Variants in SULF2 observed in about 807,000 individuals in gnomAD.
SULF2 encodes the protein extracellular sulfatase Sulf-2.
Under a neutral mutation model 107.7 loss-of-function variants are expected in SULF2, and 52 were observed. The observed-to-expected ratio is 0.48, with a 90% CI of 0.39 to 0.61. SULF2 has a LOEUF of 0.61. Ranked by LOEUF, SULF2 falls within the 20% of genes least tolerant of loss-of-function variation. The probability of loss-of-function intolerance (pLI) is 0.00; values close to 1 mark genes in which losing one functional copy is unlikely to be tolerated. For missense variants in SULF2, 993 were observed against 1,177.3 expected, an observed-to-expected ratio of 0.84 and a Z score of 2.29; for synonymous variants, 460 against 464.3, an observed-to-expected ratio of 0.99 and a Z score of 0.12.
At chr20:47,779,901 C>T (rs577401770) in intron 1 of SULF2, among the ~76,000 whole-genome samples, 2 of 152,280 alleles carry the variant, frequency 1.3e-5, no homozygotes, top group East Asian at 1.9e-4. Flanking sequence ...GCCACCGCGT[C>T]CAGACAGTTA....
chr20:47,694,727 G>A lies in SULF2; in HGVS notation c.568-4432C>T, dbSNP rs549834918. Reference sequence around the variant, plus strand: ...GCCAGCCTCAGCCCTAGGCAAAAGCGTGTTTCCCTCGAGTGGGCACTCCGC... The same window carrying A: ...GCCAGCCTCAGCCCTAGGCAAAAGCATGTTTCCCTCGAGTGGGCACTCCGC... On this transcript the variant is annotated intron_variant, in intron 4 of 20. Coordinates refer to ENST00000688720, the MANE Select transcript of SULF2 (RefSeq NM_001387048.1). This position sits in a 1 kb window ranked among gnomAD's most constrained non-coding sequence, Gnocchi z 4.4. 4.6e-5 allele frequency among the ~76,000 whole-genome samples: 7 copies of A among 152,334 alleles called. No homozygotes were observed. The highest frequency in any genetic ancestry group is 4.1e-4 in the South Asian group (2 of 4,822).
intron 11 of SULF2, among the ~76,000 whole-genome samples, chr20:47,669,840 C>G (rs2087403691): frequency 6.6e-6 from 1 of 152,198 alleles, no homozygotes; most frequent in Non-Finnish European, 1.5e-5. Context: ...GGGAAAAGAG[C>G]TGAATTTCTC....
chr20:47,703,587 G>C (rs1209207403), intron 3 of SULF2, among the ~76,000 whole-genome samples: 1 of 152,216 alleles, frequency 6.6e-6, no homozygotes. Flanking sequence ...TCCAACCACG[G>C]TGGGGAACTC....
intron 4 of SULF2, among the ~76,000 whole-genome samples, chr20:47,691,479 G>C (rs1240389278): frequency 2.0e-5 from 3 of 152,184 alleles, no homozygotes. Flanking sequence ...CAGAGATTCT[G>C]GTTGGATTGG....
chr20:47,756,387 A>G (rs1029869424), intron 2 of SULF2, among the ~76,000 whole-genome samples: 2 of 152,206 alleles, frequency 1.3e-5, no homozygotes, highest in Non-Finnish European at 2.9e-5. Flanking sequence ...GAAAAAAACT[A>G]TACTTGTGAT....
At chr20:47,674,835 C>A (rs2087588315) in intron 10 of SULF2, among the ~76,000 whole-genome samples, 1 of 152,078 alleles carries the variant, frequency 6.6e-6, no homozygotes, top group Non-Finnish European at 1.5e-5. Flanking sequence ...AGGGACATGG[C>A]AACGGCACTC....
chr20:47,764,612 G>GT (rs1319631126), intron 1 of SULF2, among the ~76,000 whole-genome samples: 4 of 152,224 alleles, frequency 2.6e-5, no homozygotes, highest in Admixed American at 6.5e-5. Context: ...ACTGTGCTGG[G>GT]TGCCAGGAGG....
At chr20:47,743,681 G>A (rs901333108) in intron 2 of SULF2, among the ~76,000 whole-genome samples, 2 of 152,230 alleles carry the variant, frequency 1.3e-5, no homozygotes, top group Admixed American at 6.5e-5. Context: ...GTGACTGCCC[G>A]CCTCACTCAG....
rs1217388036 is a variant in SULF2 at position 47,663,216 on chromosome 20, C to T, written c.2228-4G>A. Reference sequence around the variant, plus strand: ...GTGCAGGCACAGAAAGGCCCCACTGCCAAGGAAGAGAGAGCATGTCCTGAG... The same window carrying T: ...GTGCAGGCACAGAAAGGCCCCACTGTCAAGGAAGAGAGAGCATGTCCTGAG... On this transcript the variant is annotated splice_region_variant and splice_polypyrimidine_tract_variant and intron_variant, in intron 16 of 20. Transcript: ENST00000688720. 5 of 1,613,978 alleles carry T rather than the reference C, an allele frequency of 3.1e-6. No homozygotes were observed. The highest frequency in any genetic ancestry group is 3.4e-6 in the Non-Finnish European group (4 of 1,179,990).
chr20:47,690,131 C>T lies in SULF2; in HGVS notation c.732G>A (p.Gln244=), dbSNP rs915353983. 15 of 1,485,492 alleles carry T rather than the reference C, an allele frequency of 1.0e-5. No individual in the cohort carries two copies. The highest frequency in any genetic ancestry group is 1.4e-5 in the Non-Finnish European group (15 of 1,109,296). The allele number at this position is 1,485,492 out of a possible 1,614,324, so 92.0% of individuals were successfully genotyped here. A position where few individuals can be genotyped will look rare whatever the true frequency, so the allele number is the denominator to read the frequency against. Residue 244 remains glutamine (Q), a synonymous_variant, in exon 5 of 21, where the codon CAG becomes CAA. Transcript: ENST00000688720. The part of the protein sequence containing the change: ...QYSRLFPNAS[Q]HITPSYNYAP... ...GGCAGAGTGCTGAGGCTTACATGTG[C>T]TGAGATGCGTTTGGGAAGAGGCGTG...
At position 47,704,686 on chromosome 20, in the gene SULF2, T is replaced by G. The variant is rs8184323; in HGVS notation, c.416-2016A>C. On this transcript the variant is annotated intron_variant, in intron 3 of 20. Transcript: ENST00000688720. ...GTCGTCTCTTTCTAGATGAGGACAC[T>G]GCGGTTCTGAAATTTCTGACGAGTA... is the stretch of plus-strand genomic sequence containing the variant. 5.1e-3 allele frequency among the ~76,000 whole-genome samples: 781 copies of G among 152,372 alleles called. 12 individuals carry two copies. The South Asian group carries it at 0.051, about 10-fold the overall frequency.
chr20:47,680,105 G>C lies in SULF2; in HGVS notation c.1065-1301C>G, dbSNP rs1057089140. Among the ~76,000 whole-genome samples the C allele has an allele frequency of 3.3e-5, 5 of 152,074 alleles. No individual in the cohort carries two copies. The highest frequency in any genetic ancestry group is 1.2e-4 in the African/African-American group (5 of 41,410). ...TTCCCATACATCTGCCACCTTTCCT[G>C]GCTCCTGTTTCTTTTTTTGAGAGGT... is the stretch of plus-strand genomic sequence containing the variant. On this transcript the variant is annotated intron_variant, in intron 7 of 20. Coordinates refer to ENST00000688720, the MANE Select transcript of SULF2 (RefSeq NM_001387048.1). This position sits in a 1 kb window ranked among gnomAD's most constrained non-coding sequence, Gnocchi z 4.2.
intron 11 of SULF2, among the ~76,000 whole-genome samples, chr20:47,670,418 C>T (rs899243639): frequency 5.3e-5 from 8 of 151,716 alleles, no homozygotes; most frequent in Non-Finnish European, 1.0e-4. Flanking sequence ...TCTCGAACTT[C>T]TGAGCTCAGG....
At chr20:47,671,818 G>A (rs917797040) in intron 11 of SULF2, among the ~76,000 whole-genome samples, 2 of 152,076 alleles carry the variant, frequency 1.3e-5, no homozygotes, top group Non-Finnish European at 2.9e-5. Flanking sequence ...GGGTTCAAGC[G>A]ATTCTCATGC....
Position 47,684,318 on chromosome 20 carries a change from T to G in SULF2, c.888+113A>C, listed in dbSNP as rs183912124. ...TCTAGCACATGGGGCCTCTTCATTC[T>G]GCCTTTGATTTCTATTCCTCCAGGA... On this transcript the variant is annotated intron_variant, in intron 6 of 20. Transcript: ENST00000688720. 8.6e-3 allele frequency: 10,496 copies of G among 1,226,752 alleles called. 48 individuals carry two copies. The highest frequency in any genetic ancestry group is 0.01 in the Non-Finnish European group (9,429 of 911,382). The allele number at this position is 1,226,752 out of a possible 1,614,324, so 76.0% of individuals were successfully genotyped here. A position where few individuals can be genotyped will look rare whatever the true frequency, so the allele number is the denominator to read the frequency against.
intron 2 of SULF2, among the ~76,000 whole-genome samples, chr20:47,752,821 G>T (rs4809649): frequency 0.31 from 47,224 of 151,892 alleles, 8,685 homozygotes; most frequent in East Asian, 0.4. Context: ...CAAACATCAG[G>T]CCAGGTGTGG....
chr20:47,741,435 G>A (rs1006006910), intron 2 of SULF2, among the ~76,000 whole-genome samples: 8 of 151,980 alleles, frequency 5.3e-5, no homozygotes, highest in South Asian at 4.2e-4. Flanking sequence ...TCCCTTCTCC[G>A]TGGAGTCTTC....
chr20:47,732,565 G>A (rs1218012262), intron 3 of SULF2, among the ~76,000 whole-genome samples: 1 of 152,226 alleles, frequency 6.6e-6, no homozygotes, highest in Non-Finnish European at 1.5e-5. Context: ...GATGTGGCGA[G>A]GTGCAGTGGC....
Position 47,683,231 on chromosome 20 carries a change from C to T in SULF2, c.889-62G>A, listed in dbSNP as rs547427448. ...CTGGGTGCCTGGCCCGTCTCCGACC[C>T]GGGGTGACAGGCGCTTGAGATCTCA... On this transcript the variant is annotated intron_variant, in intron 6 of 20. Coordinates refer to ENST00000688720, the MANE Select transcript of SULF2 (RefSeq NM_001387048.1). 1,870 of 1,489,228 alleles carry T rather than the reference C, an allele frequency of 1.3e-3. 4 individuals are homozygous for T. Among genetic ancestry groups the T allele is most frequent in the Middle Eastern group, 1.6e-3 (8 of 4,894 alleles). The allele number at this position is 1,489,228 out of a possible 1,614,324, so 92.3% of individuals were successfully genotyped here. A position where few individuals can be genotyped will look rare whatever the true frequency, so the allele number is the denominator to read the frequency against.
Sources: gnomAD v4.1 joint callset for allele counts (sites outside exome capture counted in the v4.1 genomes callset) on GRCh38, gnomAD v4.1.1 for gene constraint, Gnocchi (gnomAD v3.1) non-coding constraint, MANE v1.5 for transcripts, NCBI Gene and HGNC (gene_info 2026-07-23, HGNC 2026-07-21) for gene names.